Variants in PTCHD1 observed in about 807,000 individuals in gnomAD.
PTCHD1 encodes the protein patched domain-containing protein 1.
In PTCHD1, 3 loss-of-function variants were observed where a neutral mutation model predicts 34.6. That is an observed-to-expected ratio of 0.09 (90% CI 0.04 to 0.22). The LOEUF is 0.22. Among genes scored for constraint, PTCHD1 ranks in the 10% least tolerant of loss-of-function variants. The probability of loss-of-function intolerance (pLI) is 1.00; values close to 1 mark genes in which losing one functional copy is unlikely to be tolerated. For synonymous variants in PTCHD1, 305 were observed against 283.1 expected (o/e 1.08, Z -0.77); for missense variants, 504 against 685.5 (o/e 0.74, Z 2.96).
At chrX:23,353,856 G>C (rs1221459366) in intron 1 of PTCHD1, among the ~76,000 whole-genome samples, 3 of 111,944 alleles carry the variant, frequency 2.7e-5, no homozygotes, top group Non-Finnish European at 3.8e-5. Flanking sequence ...AGATTATAAG[G>C]GCTAGAAACC....
At position 23,394,127 on chromosome X, in the gene PTCHD1, G is replaced by C; in HGVS notation, c.2609G>C (p.Cys870Ser). The change falls in exon 3 of 3, where the codon TGT becomes TCT. Residue 870 changes from cysteine (C) to serine (S), a missense_variant. Transcript: ENST00000379361. Reference protein sequence around the residue: ...KNPENREEIECVEMVDIDSTR... With the variant: ...KNPENREEIESVEMVDIDSTR... ...CCTGAGAACCGGGAGGAAATTGAGT[G>C]TGTAGAAATGGTAGATATCGATAGT... 1.7e-6 allele frequency: 2 copies of C among 1,210,296 alleles called. No homozygotes were observed. Among genetic ancestry groups the C allele is most frequent in the East Asian group, 3.0e-5 (1 of 33,807 alleles).
In PTCHD1 at chrX:23,396,613, C is replaced by T. The variant is rs939257627; in HGVS notation, c.*2428C>T. 1 of 112,197 alleles carries T rather than the reference C, an allele frequency of 8.9e-6. No homozygotes were observed. Among genetic ancestry groups the T allele is most frequent in the African/African-American group, 3.3e-5 (1 of 30,756 alleles). The allele number at this position is 112,197 out of a possible 1,213,427, so 9.2% of individuals were successfully genotyped here. A position where few individuals can be genotyped will look rare whatever the true frequency, so the allele number is the denominator to read the frequency against. On this transcript the variant is annotated 3_prime_UTR_variant, in exon 3 of 3. Transcript: ENST00000379361. ...GAATTTAATCATTCAATTTGGTCAA[C>T]CAGAATGACTTCCTGTGGAACTCTG...
chrX:23,347,835 G>A (rs1472913402), intron 1 of PTCHD1, among the ~76,000 whole-genome samples: 2 of 110,791 alleles, frequency 1.8e-5, no homozygotes, highest in Non-Finnish European at 3.8e-5. Flanking sequence ...GCAAGACCCC[G>A]TCTCTACAAA....
At position 23,377,415 on chromosome X, in the gene PTCHD1, G is replaced by C. The variant is rs151075117; in HGVS notation, c.352-2176G>C. Among the ~76,000 whole-genome samples the C allele has an allele frequency of 9.0e-3, 1,003 of 111,779 alleles. 6 individuals are homozygous for C. The highest frequency in any genetic ancestry group is 0.032 in the African/African-American group (974 of 30,802). ...AATTTGAAATATTTTGTAACTAGGA[G>C]TTCTTTTAATCAAAATTCACTGGGC... On this transcript the variant is annotated intron_variant, in intron 1 of 2. Coordinates refer to ENST00000379361, the MANE Select transcript of PTCHD1 (RefSeq NM_173495.3).
chrX:23,368,076 G>C (rs1254805050), intron 1 of PTCHD1, among the ~76,000 whole-genome samples: 2 of 108,431 alleles, frequency 1.8e-5, no homozygotes, highest in African/African-American at 6.8e-5. Flanking sequence ...GATAGACATG[G>C]ATGGTAGGTA....
chrX:23,393,116 C>G lies in PTCHD1; in HGVS notation c.1598C>G (p.Ala533Gly). 8.3e-7 allele frequency: 1 copy of G among 1,210,744 alleles called. No individual in the cohort carries two copies. The highest frequency in any genetic ancestry group is 1.1e-6 in the Non-Finnish European group (1 of 894,548). ...SEGSDLSNIV[A>G]TATQTIEYTT... ...GGGTCAGACCTTAGTAACATTGTAG[C>G]AACCGCGACACAAACCATTGAGTAC... Residue 533 changes from alanine to glycine, a missense_variant, in exon 3 of 3, where the codon GCA becomes GGA. Physicochemically the swap from Ala to Gly is moderately conservative, Grantham distance 60. Coordinates refer to ENST00000379361, the MANE Select transcript of PTCHD1 (RefSeq NM_173495.3).
intron 1 of PTCHD1, among the ~76,000 whole-genome samples, chrX:23,360,604 T>A (rs1281018310): frequency 2.7e-5 from 3 of 111,811 alleles, no homozygotes; most frequent in Non-Finnish European, 5.6e-5. Flanking sequence ...AACCAGCTCC[T>A]GGATTCACTG....
intron 1 of PTCHD1, among the ~76,000 whole-genome samples, chrX:23,357,443 G>T (rs1276279600): frequency 9.0e-6 from 1 of 111,437 alleles, no homozygotes; most frequent in African/African-American, 3.3e-5. Flanking sequence ...TGGTGAGACT[G>T]TAAAATGTTA....
Position 23,398,218 on chromosome X carries a change from G to A in PTCHD1, c.*4033G>A, listed in dbSNP as rs1020975640. 1.8e-5 allele frequency: 2 copies of A among 111,751 alleles called. No individual in the cohort carries two copies. Among genetic ancestry groups the A allele is most frequent in the Non-Finnish European group, 3.8e-5 (2 of 53,178 alleles). 9.2% of individuals were successfully genotyped at this position (111,751 alleles called of 1,213,427 possible). ...AGAAAAGAGACTCAAGACATTATTTGTAATTCAGCAATCTCGCACAGTAGC... is the reference window on the plus strand; with the variant it reads ...AGAAAAGAGACTCAAGACATTATTTATAATTCAGCAATCTCGCACAGTAGC... On this transcript the variant is annotated 3_prime_UTR_variant, in exon 3 of 3. Coordinates refer to ENST00000379361, the MANE Select transcript of PTCHD1 (RefSeq NM_173495.3).
rs1048126138 is a variant in PTCHD1, at chrX:23,335,338, C to G, written c.351+112C>G. ...CACCTCTCCTAGCCCAGGCAGCTGC[C>G]GCAGGGACTCTCCTGCACCGCGCGC... On this transcript the variant is annotated intron_variant, in intron 1 of 2. Transcript: ENST00000379361. The G allele has an allele frequency of 1.7e-5, 11 of 630,036 alleles. No individual in the cohort carries two copies. The African/African-American group carries it at 2.2e-4, about 13-fold the overall frequency. The allele number at this position is 630,036 out of a possible 1,213,427, so 51.9% of individuals were successfully genotyped here. A position where few individuals can be genotyped will look rare whatever the true frequency, so the allele number is the denominator to read the frequency against.
chrX:23,363,729 C>G (rs1175608842), intron 1 of PTCHD1, among the ~76,000 whole-genome samples: 1 of 112,706 alleles, frequency 8.9e-6, no homozygotes, highest in Non-Finnish European at 1.9e-5. Context: ...CATCTGTCTT[C>G]TACGTCGATC....
intron 1 of PTCHD1, among the ~76,000 whole-genome samples, chrX:23,340,751 G>A (rs1921287316): frequency 8.9e-6 from 1 of 112,379 alleles, no homozygotes; most frequent in South Asian, 3.7e-4. Flanking sequence ...TAGCATCTCA[G>A]GGTGCTTTGT....
At chrX:23,384,495 T>G (rs1363543479) in intron 2 of PTCHD1, among the ~76,000 whole-genome samples, 1 of 112,126 alleles carries the variant, frequency 8.9e-6, no homozygotes, top group Non-Finnish European at 1.9e-5. Context: ...TTCTTTTAGC[T>G]GTGCATTTTA....
At chrX:23,379,474 C>G in intron 1 of PTCHD1, 117 bp from the exon 2 acceptor site, 6 of 765,569 alleles carry the variant, frequency 7.8e-6, no homozygotes, top group Non-Finnish European at 1.1e-5. Flanking sequence ...TATTTCTGAT[C>G]TAGGTTTATA....
chrX:23,383,946 G>A (rs1922625360), intron 2 of PTCHD1, among the ~76,000 whole-genome samples: 2 of 112,213 alleles, frequency 1.8e-5, no homozygotes, highest in Non-Finnish European at 3.8e-5. Flanking sequence ...TCCTTTAAAG[G>A]ATGAAGATTT....
chrX:23,360,623 A>G (rs1348116430), intron 1 of PTCHD1, among the ~76,000 whole-genome samples: 3 of 111,159 alleles, frequency 2.7e-5, no homozygotes, highest in African/African-American at 9.8e-5. Flanking sequence ...TGATTTTTTG[A>G]AGGGTTTTTT....
chrX:23,402,154 G>A lies in PTCHD1; in HGVS notation c.*7969G>A, dbSNP rs1422571503. On this transcript the variant is annotated 3_prime_UTR_variant, in exon 3 of 3. Coordinates refer to ENST00000379361, the MANE Select transcript of PTCHD1 (RefSeq NM_173495.3). ...CATTGATCCCTAGCATCAGTTTGAC[G>A]GGAAAACCGGTGCATTTCATCAACC... is the stretch of plus-strand genomic sequence containing the variant. 4.5e-5 allele frequency: 5 copies of A among 111,806 alleles called. No individual in the cohort carries two copies. Among genetic ancestry groups the A allele is most frequent in the Non-Finnish European group, 7.5e-5 (4 of 53,194 alleles). 9.2% of individuals were successfully genotyped at this position (111,806 alleles called of 1,213,427 possible).
At position 23,358,446 on chromosome X, in the gene PTCHD1, T is replaced by A. The variant is rs1357033148; in HGVS notation, c.352-21145T>A. On this transcript the variant is annotated intron_variant, in intron 1 of 2. Coordinates refer to ENST00000379361, the MANE Select transcript of PTCHD1 (RefSeq NM_173495.3). ...ATTTTTCCATGTGTCTGTTGGCTTC[T>A]TTTGAGAGGTGTCTGTTCAAATACT... is the stretch of plus-strand genomic sequence containing the variant. Among the ~76,000 whole-genome samples, 3 of 111,957 alleles carry A rather than the reference T, an allele frequency of 2.7e-5. No homozygotes were observed. The East Asian group carries it at 8.3e-4, about 31-fold the overall frequency.
Position 23,335,234 on chromosome X carries a change from G to A in PTCHD1, c.351+8G>A. 8.4e-7 allele frequency: 1 copy of A among 1,191,569 alleles called. No homozygotes were observed. The highest frequency in any genetic ancestry group is 1.1e-6 in the Non-Finnish European group (1 of 877,160). On this transcript the variant is annotated splice_region_variant and intron_variant, in intron 1 of 2. Coordinates refer to ENST00000379361, the MANE Select transcript of PTCHD1 (RefSeq NM_173495.3). The stretch of plus-strand genomic sequence containing the variant: ...ACCGACCTGATCTTAAAGGTGAGAG[G>A]GGACGGGTGCGGGCAGACTCCGCCA...
Sources: gnomAD v4.1 joint callset for allele counts (sites outside exome capture counted in the v4.1 genomes callset) on GRCh38, gnomAD v4.1.1 for gene constraint, MANE v1.5 for transcripts, NCBI Gene and HGNC (gene_info 2026-07-23, HGNC 2026-07-21) for gene names.